Variants in SORCS2 observed in about 807,000 individuals in gnomAD.
SORCS2 encodes VPS10 domain-containing receptor SorCS2.
A neutral mutation model predicts 141.6 loss-of-function variants in SORCS2; 100 were observed. That is an observed-to-expected ratio of 0.71 (90% CI 0.60 to 0.83). The LOEUF (loss-of-function observed/expected upper bound fraction) is 0.83, where lower values mean the gene tolerates loss of function less well. Among genes scored for constraint, SORCS2 ranks in the 40% least tolerant of loss-of-function variants. The pLI, the probability that SORCS2 is intolerant of heterozygous loss-of-function variation, is 0.00. For missense variants in SORCS2, 1,646 were observed against 1,560.2 expected, an observed-to-expected ratio of 1.05 and a Z score of -0.93; for synonymous variants, 789 against 676.9, an observed-to-expected ratio of 1.17 and a Z score of -2.57.
chr4:7,740,803 T>G lies in SORCS2; in HGVS notation c.*539T>G, dbSNP rs1259494493. ...CCTCCAGGCCCCCCTGCCCTCCGGC[T>G]GGAAACTGCAGCTCTGTAAATGCCT... On this transcript the variant is annotated 3_prime_UTR_variant, in exon 27 of 27. Transcript: ENST00000507866. 2 of 371,036 alleles carry G rather than the reference T, an allele frequency of 5.4e-6. No homozygotes were observed. The highest frequency in any genetic ancestry group is 2.1e-5 in the African/African-American group (1 of 48,134). The allele number at this position is 371,036 out of a possible 1,614,324, so 23.0% of individuals were successfully genotyped here.
At chr4:7,685,965 A>G (rs574544321) in intron 10 of SORCS2, among the ~76,000 whole-genome samples, 2 of 152,348 alleles carry the variant, frequency 1.3e-5, no homozygotes, top group African/African-American at 4.8e-5. Context: ...CCAGAATCAC[A>G]CCATCCAGAA....
At chr4:7,281,703 G>A (rs894320152) in intron 1 of SORCS2, among the ~76,000 whole-genome samples, 16 of 152,300 alleles carry the variant, frequency 1.1e-4, no homozygotes, top group African/African-American at 3.4e-4. Context: ...GCAGCCTGGG[G>A]GCCGCAGGCT....
intron 1 of SORCS2, among the ~76,000 whole-genome samples, chr4:7,322,766 G>C (rs919038519): frequency 6.6e-6 from 1 of 152,194 alleles, no homozygotes; most frequent in Admixed American, 6.5e-5. Flanking sequence ...ATTCAAATGG[G>C]GGAGGACCTA....
In SORCS2 at chr4:7,741,662, T is replaced by A; in HGVS notation, c.*1398T>A. The A allele has an allele frequency of 5.9e-6, 1 of 170,490 alleles. No individual in the cohort carries two copies. Among genetic ancestry groups the A allele is most frequent in the Non-Finnish European group, 1.2e-5 (1 of 81,368 alleles). 10.6% of individuals were successfully genotyped at this position (170,490 alleles called of 1,614,324 possible). ...GGGAGAACGCCAGAGCCCTGGATGG[T>A]GATGCGCTGGCTGGGGGTGAATCCC... On this transcript the variant is annotated 3_prime_UTR_variant, in exon 27 of 27. Coordinates refer to ENST00000507866, the MANE Select transcript of SORCS2 (RefSeq NM_020777.3).
At chr4:7,276,184 G>C (rs1021908472) in intron 1 of SORCS2, among the ~76,000 whole-genome samples, 32 of 152,174 alleles carry the variant, frequency 2.1e-4, no homozygotes, top group African/African-American at 7.2e-4. Flanking sequence ...AAGGGGCTTG[G>C]GGGCTGTTGC....
At chr4:7,622,298 G>C (rs577254492) in intron 3 of SORCS2, among the ~76,000 whole-genome samples, 8 of 152,324 alleles carry the variant, frequency 5.3e-5, no homozygotes, top group African/African-American at 1.4e-4. Context: ...TCTCGCCACT[G>C]TATGTGCATG....
At chr4:7,386,277 C>T (rs1457157123) in intron 1 of SORCS2, among the ~76,000 whole-genome samples, 2 of 65,366 alleles carry the variant, frequency 3.1e-5, no homozygotes, top group African/African-American at 6.1e-5. Flanking sequence ...GAGATACACA[C>T]GCACATGCAC....
intron 1 of SORCS2, among the ~76,000 whole-genome samples, chr4:7,299,037 C>T (rs995001083): frequency 2.6e-5 from 4 of 152,272 alleles, no homozygotes; most frequent in Non-Finnish European, 2.9e-5. Context: ...GTTCTGGCCC[C>T]GCCACCCCCT....
intron 3 of SORCS2, among the ~76,000 whole-genome samples, chr4:7,593,755 G>GCAAGTTA (rs1377784382): frequency 6.6e-6 from 1 of 152,212 alleles, no homozygotes; most frequent in Non-Finnish European, 1.5e-5. Flanking sequence ...CAGGACCACT[G>GCAAGTTA]CAGCTGAGCG....
chr4:7,567,232 C>A (rs1251745246), intron 3 of SORCS2, among the ~76,000 whole-genome samples: 2 of 152,072 alleles, frequency 1.3e-5, no homozygotes, highest in African/African-American at 4.8e-5. Flanking sequence ...ACTAAGGAAC[C>A]AATATGGATG....
intron 1 of SORCS2, among the ~76,000 whole-genome samples, chr4:7,260,872 C>T (rs74841412): frequency 0.01 from 1,565 of 152,320 alleles, 20 homozygotes; most frequent in East Asian, 0.035. Flanking sequence ...CAACCTCCCC[C>T]GAGCAGGGTC....
chr4:7,703,231 C>T (rs1369799866), intron 12 of SORCS2, 49 bp from the exon 13 acceptor site: 2 of 1,503,840 alleles, frequency 1.3e-6, no homozygotes, highest in African/African-American at 1.4e-5. Context: ...CTGGAACAAC[C>T]TCCGACCTTC....
intron 8 of SORCS2, among the ~76,000 whole-genome samples, chr4:7,672,886 AAG>A (rs566786357): frequency 5.3e-5 from 8 of 152,298 alleles, no homozygotes; most frequent in Admixed American, 5.2e-4. Flanking sequence ...CTCTCTAATA[AAG>A]AGAGCTTTTT....
chr4:7,603,019 C>T (rs1157123220), intron 3 of SORCS2, among the ~76,000 whole-genome samples: 9 of 152,314 alleles, frequency 5.9e-5, no homozygotes, highest in East Asian at 1.9e-4. Context: ...ACCAGTCAGG[C>T]GTGGTGGTGT....
intron 4 of SORCS2, among the ~76,000 whole-genome samples, chr4:7,649,355 CG>C (rs897693431): frequency 2.6e-5 from 2 of 77,478 alleles, no homozygotes; most frequent in African/African-American, 7.2e-5. Context: ...CCAATGGTAT[CG>C]GGGGGGCTGT....
At chr4:7,399,661 T>A (rs1724444287) in intron 2 of SORCS2, among the ~76,000 whole-genome samples, 2 of 152,052 alleles carry the variant, frequency 1.3e-5, no homozygotes, top group South Asian at 4.2e-4. Context: ...GGCATCAGGG[T>A]TTGAAGTGTG....
At position 7,438,693 on chromosome 4, in the gene SORCS2, GA is replaced by G. The variant is rs757231057; in HGVS notation, c.548+42339del. On this transcript the variant is annotated intron_variant, in intron 2 of 26. Transcript: ENST00000507866. ...CTCTTTCCTTTTTTCTTTTTTAAAA[GA>G]CTCAGAATTATTTTTTACTTATGTT... Among the ~76,000 whole-genome samples the G allele has an allele frequency of 8.7e-5, 13 of 148,822 alleles. No individual in the cohort carries two copies. In the South Asian group the frequency reaches 2.1e-3, roughly 25 times the overall value.
intron 3 of SORCS2, among the ~76,000 whole-genome samples, chr4:7,589,172 G>C (rs935271890): frequency 6.6e-6 from 1 of 152,204 alleles, no homozygotes; most frequent in Non-Finnish European, 1.5e-5. Context: ...CCTGGTAGAA[G>C]CCTGCAAAGT....
At chr4:7,426,684 C>A (rs1490216192) in intron 2 of SORCS2, among the ~76,000 whole-genome samples, 5 of 152,138 alleles carry the variant, frequency 3.3e-5, no homozygotes, top group African/African-American at 1.2e-4. Context: ...CATTTCCTCC[C>A]TGGACAAACC....
Sources: allele counts gnomAD v4.1 joint callset (sites outside exome capture counted in the v4.1 genomes callset), GRCh38; gene constraint gnomAD v4.1.1; transcripts MANE v1.5; gene names NCBI Gene and HGNC (gene_info 2026-07-23, HGNC 2026-07-21).